The following KHDRBS2 variants were observed in gnomAD, a reference collection of about 807,000 sequenced individuals.
The protein encoded by KHDRBS2 is KH RNA binding domain containing, signal transduction associated 2.
Under a neutral mutation model 44.3 loss-of-function variants are expected in KHDRBS2, and 26 were observed. That is an observed-to-expected ratio of 0.59 (90% CI 0.43 to 0.81). The LOEUF (loss-of-function observed/expected upper bound fraction) is 0.81, where lower values mean the gene tolerates loss of function less well. Ranked by LOEUF, KHDRBS2 falls within the 40% of genes least tolerant of loss-of-function variation. The pLI, the probability that KHDRBS2 is intolerant of heterozygous loss-of-function variation, is 0.00. For missense variants in KHDRBS2, 476 were observed against 433.1 expected, an observed-to-expected ratio of 1.10 and a Z score of -0.88; for synonymous variants, 194 against 151.1, an observed-to-expected ratio of 1.28 and a Z score of -2.08.
At chr6:62,023,440 G>A (rs921453949) in intron 3 of KHDRBS2, among the ~76,000 whole-genome samples, 13 of 151,330 alleles carry the variant, frequency 8.6e-5, no homozygotes, top group African/African-American at 2.7e-4. Context: ...TTGCTTTCTA[G>A]CCCTCATTTT....
Position 61,894,957 on chromosome 6 carries a change from C to CTG in KHDRBS2, c.612-126_612-125dup, listed in dbSNP as rs370645859. 1.8e-3 allele frequency: 984 copies of CTG among 538,976 alleles called. 5 individuals carry two copies. The highest frequency in any genetic ancestry group is 0.011 in the African/African-American group (557 of 51,592). 33.4% of individuals were successfully genotyped at this position (538,976 alleles called of 1,614,324 possible). A position where few individuals can be genotyped will look rare whatever the true frequency, so the allele number is the denominator to read the frequency against. ...TAAATACAAATTTCTCTCTCTCTCT[C>CTG]TGTGTGTGTGTGTGTGTATGCATTT... On this transcript the variant is annotated intron_variant, in intron 5 of 8. Transcript: ENST00000281156.
intron 3 of KHDRBS2, among the ~76,000 whole-genome samples, chr6:62,001,383 AT>A (rs879616166): frequency 2.5e-3 from 363 of 144,650 alleles, no homozygotes; most frequent in African/African-American, 2.5e-3. Flanking sequence ...ACAATCATTC[AT>A]TTTTTTTTTT....
chr6:61,876,565 T>C (rs1168145136), intron 6 of KHDRBS2, among the ~76,000 whole-genome samples: 1 of 152,054 alleles, frequency 6.6e-6, no homozygotes, highest in Admixed American at 6.6e-5. Flanking sequence ...GCCTGGTGCC[T>C]TCATCACCTA....
intron 6 of KHDRBS2, among the ~76,000 whole-genome samples, chr6:61,749,463 A>G (rs1777348859): frequency 6.6e-6 from 1 of 152,212 alleles, no homozygotes. Flanking sequence ...CTGTAGAAGC[A>G]TAAAAAGCCA....
At chr6:62,072,039 C>G (rs1260203672) in intron 2 of KHDRBS2, among the ~76,000 whole-genome samples, 1 of 152,072 alleles carries the variant, frequency 6.6e-6, no homozygotes, top group Non-Finnish European at 1.5e-5. Flanking sequence ...TGTAGTTCTC[C>G]TTGAAGAGGT....
intron 7 of KHDRBS2, among the ~76,000 whole-genome samples, chr6:61,722,111 G>GAATCCCAGGGATGAAGCCC (rs1323236667): frequency 1.3e-5 from 2 of 152,160 alleles, no homozygotes; most frequent in Non-Finnish European, 2.9e-5. Context: ...AACCAGCCTT[G>GAATCCCAGGGATGAAGCCC]AATCCCAGGG....
the KHDRBS2 span, among the ~76,000 whole-genome samples, chr6:61,598,084 C>G: frequency 3.3e-5 from 5 of 150,678 alleles, no homozygotes; most frequent in Non-Finnish European, 7.4e-5. Context: ...TCCCCCACCT[C>G]CACCCACCCC....
At chr6:61,954,480 CACAT>C in intron 4 of KHDRBS2, among the ~76,000 whole-genome samples, 3 of 128,542 alleles carry the variant, frequency 2.3e-5, no homozygotes, top group African/African-American at 9.4e-5. Context: ...TGTGTATATA[CACAT>C]GCGTATGTAT....
intron 6 of KHDRBS2, among the ~76,000 whole-genome samples, chr6:61,786,980 C>A (rs991340896): frequency 6.7e-6 from 1 of 150,012 alleles, no homozygotes; most frequent in Non-Finnish European, 1.5e-5. Context: ...ACATAAATAT[C>A]TTTGTATATT....
chr6:62,012,519 G>A (rs1231195582), intron 3 of KHDRBS2, among the ~76,000 whole-genome samples: 1 of 151,946 alleles, frequency 6.6e-6, no homozygotes, highest in Non-Finnish European at 1.5e-5. Context: ...TGGCTTAAAC[G>A]GCCTATTTTA....
chr6:61,734,822 C>T (rs188476691), intron 6 of KHDRBS2, among the ~76,000 whole-genome samples: 20 of 152,206 alleles, frequency 1.3e-4, no homozygotes, highest in Admixed American at 7.2e-4. Context: ...AGTAATATTT[C>T]TAAGATTCAA....
chr6:61,955,265 T>A (rs1583751101), intron 4 of KHDRBS2, among the ~76,000 whole-genome samples: 1 of 146,088 alleles, frequency 6.8e-6, no homozygotes, highest in Non-Finnish European at 1.5e-5. Flanking sequence ...TATGTATACA[T>A]ATACGTGTAA....
At chr6:62,133,669 A>T (rs1810857768) in intron 2 of KHDRBS2, among the ~76,000 whole-genome samples, 1 of 152,188 alleles carries the variant, frequency 6.6e-6, no homozygotes, top group Non-Finnish European at 1.5e-5. Context: ...AATGTGGGAA[A>T]GTTTGGAGCT....
At chr6:61,920,540 T>C (rs1807888409) in intron 4 of KHDRBS2, among the ~76,000 whole-genome samples, 1 of 151,980 alleles carries the variant, frequency 6.6e-6, no homozygotes, top group Non-Finnish European at 1.5e-5. Flanking sequence ...AAATAAATCA[T>C]GAAGTGCTAA....
chr6:62,208,723 C>T (rs536399736), intron 1 of KHDRBS2, among the ~76,000 whole-genome samples: 1 of 152,260 alleles, frequency 6.6e-6, no homozygotes, highest in South Asian at 2.1e-4. Context: ...TCACTTTTAT[C>T]CACACCCTTG....
At chr6:61,956,544 C>T (rs1391087633) in intron 4 of KHDRBS2, among the ~76,000 whole-genome samples, 2 of 152,126 alleles carry the variant, frequency 1.3e-5, no homozygotes, top group South Asian at 2.1e-4. Context: ...CCACAGTGAG[C>T]ACTCAGGAAA....
At chr6:62,145,767 T>C (rs747063304) in intron 2 of KHDRBS2, among the ~76,000 whole-genome samples, 5 of 151,828 alleles carry the variant, frequency 3.3e-5, no homozygotes, top group Non-Finnish European at 5.9e-5. Flanking sequence ...TGCTCTAAAA[T>C]CTGAAACTTT....
the KHDRBS2 span, among the ~76,000 whole-genome samples, chr6:61,561,721 C>T: frequency 6.6e-6 from 1 of 152,186 alleles, no homozygotes; most frequent in African/African-American, 2.4e-5. Context: ...TGCTGCCAGA[C>T]TTGGTACTTA....
At chr6:61,808,615 G>A (rs1787563942) in intron 6 of KHDRBS2, among the ~76,000 whole-genome samples, 1 of 151,986 alleles carries the variant, frequency 6.6e-6, no homozygotes, top group African/African-American at 2.4e-5. Flanking sequence ...TGCTCATTAA[G>A]GATAAAACAT....
Sources: allele counts gnomAD v4.1 joint callset (sites outside exome capture counted in the v4.1 genomes callset), GRCh38; gene constraint gnomAD v4.1.1; transcripts MANE v1.5; gene names NCBI Gene and HGNC (gene_info 2026-07-23, HGNC 2026-07-21).